Variants in PCDHGA2 observed in about 807,000 individuals in gnomAD.
PCDHGA2 encodes the protein protocadherin gamma-A2.
PCDHGA2 carries 40 observed loss-of-function variants against 59.2 expected under a neutral mutation model. The observed-to-expected ratio is 0.68, with a 90% CI of 0.52 to 0.88. PCDHGA2 has a LOEUF of 0.88. PCDHGA2 is among the 40% of genes least tolerant of loss of function. The pLI is 0.00. For missense variants in PCDHGA2, 1,226 were observed against 1,204.0 expected, an observed-to-expected ratio of 1.02 and a Z score of -0.27; for synonymous variants, 560 against 526.0, an observed-to-expected ratio of 1.06 and a Z score of -0.89.
In PCDHGA2 at chr5:141,491,552, G is replaced by A. The variant is rs769927075; in HGVS notation, c.2425-3255G>A. 1 of 1,614,008 alleles carries A rather than the reference G, an allele frequency of 6.2e-7. No individual in the cohort carries two copies. The highest frequency in any genetic ancestry group is 1.7e-5 in the Admixed American group (1 of 60,024). On this transcript the variant is annotated intron_variant, in intron 1 of 3. Coordinates refer to ENST00000394576, the MANE Select transcript of PCDHGA2 (RefSeq NM_018915.4). This position sits in a 1 kb window ranked among gnomAD's most constrained non-coding sequence, Gnocchi z 6.9. Reference sequence around the variant, plus strand: ...ACGCTGCGGCCCACAGACTCGCAGAGCCACTGCTACAGGACGTGCTTTTCA... The same window carrying A: ...ACGCTGCGGCCCACAGACTCGCAGAACCACTGCTACAGGACGTGCTTTTCA...
chr5:141,377,998 G>A (rs757547607), intron 1 of PCDHGA2: 3 of 152,116 alleles, frequency 2.0e-5, no homozygotes, highest in Non-Finnish European at 4.4e-5. Context: ...CTAAAGCTTG[G>A]CTCAAATAAG....
At chr5:141,506,084 C>T (rs1426222889) in intron 3 of PCDHGA2, among the ~76,000 whole-genome samples, 8 of 152,068 alleles carry the variant, frequency 5.3e-5, no homozygotes, top group African/African-American at 1.9e-4. Flanking sequence ...AATAGAGATT[C>T]GGCTAGTGGT....
chr5:141,374,900 G>A (rs1770928989), intron 1 of PCDHGA2: 6 of 1,613,682 alleles, frequency 3.7e-6, no homozygotes, highest in South Asian at 3.3e-5. Context: ...GGATGAAGGA[G>A]TCCACGGGGA....
At chr5:141,392,693 C>T (rs1315405629) in intron 1 of PCDHGA2, 5 of 1,161,626 alleles carry the variant, frequency 4.3e-6, no homozygotes, top group Non-Finnish European at 5.8e-6. Context: ...GAAACCCGAC[C>T]CCTGTTTGGA....
chr5:141,343,794 A>C, intron 1 of PCDHGA2: 1 of 439,262 alleles, frequency 2.3e-6, no homozygotes, highest in Non-Finnish European at 4.0e-6. Context: ...GCTGTTGACC[A>C]CTCAAGAAGG....
Position 141,490,480 on chromosome 5 carries a change from C to G in PCDHGA2, c.2425-4327C>G. On this transcript the variant is annotated intron_variant, in intron 1 of 3. Coordinates refer to ENST00000394576, the MANE Select transcript of PCDHGA2 (RefSeq NM_018915.4). This position sits in a 1 kb window ranked among gnomAD's most constrained non-coding sequence, Gnocchi z 5.4. The stretch of plus-strand genomic sequence containing the variant: ...GCTGCTAACCAGCCAGCCTTTGGAC[C>G]GGGAGGCCACATCCCACTATATCAT... 2.5e-6 allele frequency: 4 copies of G among 1,614,194 alleles called. No homozygotes were observed. The highest frequency in any genetic ancestry group is 3.4e-6 in the Non-Finnish European group (4 of 1,180,050).
rs746838072 is a variant in PCDHGA2 at position 141,486,116 on chromosome 5, T to A, written c.2425-8691T>A. ...GCCCCTAGACTTTGAGAGTGAGAATTACTATGAATTTGATGTGCGGGCTCG... is the reference window on the plus strand; with the variant it reads ...GCCCCTAGACTTTGAGAGTGAGAATAACTATGAATTTGATGTGCGGGCTCG... On this transcript the variant is annotated intron_variant, in intron 1 of 3. Coordinates refer to ENST00000394576, the MANE Select transcript of PCDHGA2 (RefSeq NM_018915.4). This position sits in a 1 kb window ranked among gnomAD's most constrained non-coding sequence, Gnocchi z 5.0. 1.1e-5 allele frequency: 17 copies of A among 1,613,638 alleles called. No homozygotes were observed. Among genetic ancestry groups the A allele is most frequent in the Non-Finnish European group, 1.4e-5 (17 of 1,179,610 alleles).
Position 141,340,147 on chromosome 5 carries a change from T to C in PCDHGA2, c.1176T>C (p.Phe392=). 1.9e-6 allele frequency: 3 copies of C among 1,614,184 alleles called. No homozygotes were observed. Among genetic ancestry groups the C allele is most frequent in the Non-Finnish European group, 2.5e-6 (3 of 1,180,024 alleles). ...GTTCACTCCCCGAGGATCTTCCTTT[T>C]AAGTTAGAAAAGTCAGTAGACAATT... The part of the protein sequence containing the change: ...TTCSLPEDLP[F]KLEKSVDNYY... The change falls in exon 1 of 4, where the codon TTT becomes TTC. Residue 392 remains phenylalanine (F), a synonymous_variant. Transcript: ENST00000394576.
intron 1 of PCDHGA2, chr5:141,398,970 C>G (rs1320199481): frequency 6.2e-7 from 1 of 1,613,958 alleles, no homozygotes; most frequent in South Asian, 1.1e-5. Flanking sequence ...CTTATTCCTT[C>G]TACAGAACCG....
rs1344567118 is a variant in PCDHGA2 at position 141,346,258 on chromosome 5, G to A, written c.2424+4863G>A. 1.2e-6 allele frequency: 2 copies of A among 1,614,092 alleles called. No individual in the cohort carries two copies. Among genetic ancestry groups the A allele is most frequent in the African/African-American group, 1.3e-5 (1 of 74,950 alleles). ...AGTACGCCCGGCTCGCACTTTGTGGGCGCGGACGGGGTTCGGGCTTTCCTG... is the reference window on the plus strand; with the variant it reads ...AGTACGCCCGGCTCGCACTTTGTGGACGCGGACGGGGTTCGGGCTTTCCTG... On this transcript the variant is annotated intron_variant, in intron 1 of 3. Coordinates refer to ENST00000394576, the MANE Select transcript of PCDHGA2 (RefSeq NM_018915.4).
At position 141,340,076 on chromosome 5, in the gene PCDHGA2, T is replaced by G; in HGVS notation, c.1105T>G (p.Phe369Val). ...DSLPGTIIGL[F>V]NVHDRDSGQN... ...TCTTCCAGGAACCATAATTGGGCTT[T>G]TTAATGTACATGATAGAGACTCTGG... The change falls in exon 1 of 4, where the codon TTT (phenylalanine) becomes GTT (valine). Residue 369 changes from phenylalanine to valine, a missense_variant. Coordinates refer to ENST00000394576, the MANE Select transcript of PCDHGA2 (RefSeq NM_018915.4). The G allele has an allele frequency of 6.2e-7, 1 of 1,614,162 alleles. No individual in the cohort carries two copies. The highest frequency in any genetic ancestry group is 1.1e-5 in the South Asian group (1 of 91,078).
chr5:141,499,725 C>T (rs554409998), intron 2 of PCDHGA2, among the ~76,000 whole-genome samples: 3 of 138,474 alleles, frequency 2.2e-5, no homozygotes, highest in African/African-American at 5.4e-5. Context: ...GACAGAGTCT[C>T]ACTCTCTTGC....
At chr5:141,387,036 C>G (rs1026680473) in intron 1 of PCDHGA2, among the ~76,000 whole-genome samples, 1 of 152,116 alleles carries the variant, frequency 6.6e-6, no homozygotes, top group Non-Finnish European at 1.5e-5. Flanking sequence ...ATTTCATAAC[C>G]AGTAAAATAA....
At chr5:141,360,049 A>G (rs1330133031) in intron 1 of PCDHGA2, 2 of 1,434,672 alleles carry the variant, frequency 1.4e-6, no homozygotes, top group African/African-American at 2.9e-5. Flanking sequence ...CAGAAAACAA[A>G]AGCAGGAAAA....
At chr5:141,360,035 G>T in intron 1 of PCDHGA2, 13 of 1,406,270 alleles carry the variant, frequency 9.2e-6, no homozygotes, top group Non-Finnish European at 1.2e-5. Context: ...TATAGATTCG[G>T]AAACAGAAAA....
intron 1 of PCDHGA2, chr5:141,390,278 T>A (rs559321936): frequency 1.9e-6 from 3 of 1,614,028 alleles, no homozygotes; most frequent in Admixed American, 1.7e-5. Flanking sequence ...TGACTTCCCA[T>A]CAGGTGAGTT....
Position 141,478,910 on chromosome 5 carries a change from A to G in PCDHGA2, c.2425-15897A>G, listed in dbSNP as rs568573298. On this transcript the variant is annotated intron_variant, in intron 1 of 3. Transcript: ENST00000394576. ...ATTTACATTAGGAATAAGCTGCTGG[A>G]TACCTCTAACCAGTGGCAGCTTCTA... 5.3e-4 allele frequency: 474 copies of G among 893,806 alleles called. 7 individuals are homozygous for G. The South Asian group carries it at 6.8e-3, about 13-fold the overall frequency. 55.4% of individuals were successfully genotyped at this position (893,806 alleles called of 1,614,324 possible).
At chr5:141,509,777 G>A (rs1244876699) in intron 3 of PCDHGA2, among the ~76,000 whole-genome samples, 1 of 152,100 alleles carries the variant, frequency 6.6e-6, no homozygotes, top group Non-Finnish European at 1.5e-5. Flanking sequence ...TCTAGTCCCC[G>A]AGATCATCAT....
rs1239481973 is a variant in PCDHGA2 at position 141,491,585 on chromosome 5, C to G, written c.2425-3222C>G. On this transcript the variant is annotated intron_variant, in intron 1 of 3. Coordinates refer to ENST00000394576, the MANE Select transcript of PCDHGA2 (RefSeq NM_018915.4). The surrounding 1 kb of genome is among the most constrained non-coding windows in gnomAD (Gnocchi z 6.9). ...TACAGGACGTGCTTTTCACCGGCCT[C>G]GGACGGCAGTGACTTCACTTTTCTA... 6.2e-7 allele frequency: 1 copy of G among 1,613,964 alleles called. No individual in the cohort carries two copies.
Sources: allele counts gnomAD v4.1 joint callset (sites outside exome capture counted in the v4.1 genomes callset), GRCh38; gene constraint gnomAD v4.1.1; non-coding constraint Gnocchi (gnomAD v3.1); transcripts MANE v1.5; gene names NCBI Gene and HGNC (gene_info 2026-07-23, HGNC 2026-07-21).